The following RILPL1 variants were observed in gnomAD, a reference collection of about 807,000 sequenced individuals.
The protein encoded by RILPL1 is Rab interacting lysosomal protein like 1.
A neutral mutation model predicts 50.3 loss-of-function variants in RILPL1; 33 were observed. The observed-to-expected ratio is 0.66, with a 90% CI of 0.50 to 0.88. RILPL1 has a LOEUF of 0.88. Among genes scored for constraint, RILPL1 ranks in the 40% least tolerant of loss-of-function variants. The pLI is 0.00. For missense variants in RILPL1, 418 were observed against 542.5 expected (o/e 0.77, Z 2.28); for synonymous variants, 205 against 228.6 (o/e 0.90, Z 0.93).
intron 1 of RILPL1, among the ~76,000 whole-genome samples, chr12:123,528,334 G>A (rs1038967853): frequency 6.7e-6 from 1 of 149,336 alleles, no homozygotes; most frequent in African/African-American, 2.4e-5. Context: ...ACGCCAGCCT[G>A]GGCAACAGAG....
At chr12:123,486,199 A>G (rs1179870562) in intron 4 of RILPL1, among the ~76,000 whole-genome samples, 1 of 152,202 alleles carries the variant, frequency 6.6e-6, no homozygotes, top group Non-Finnish European at 1.5e-5. Context: ...TAATTTGGCC[A>G]GAGTGGCTGG....
intron 2 of RILPL1, among the ~76,000 whole-genome samples, chr12:123,509,626 C>T (rs567969847): frequency 4.6e-5 from 7 of 151,650 alleles, no homozygotes; most frequent in Admixed American, 6.6e-5. Flanking sequence ...ACCCTGAAGA[C>T]CTTATGCTTA....
rs541576341 is a variant in RILPL1 at position 123,489,642 on chromosome 12, C to T, written c.802-3837G>A. The stretch of plus-strand genomic sequence containing the variant: ...CGGTGCCACTGTACTCCAGCCTGGG[C>T]GACAGAGCGACAGAGTAAGACTCCA... On this transcript the variant is annotated intron_variant, in intron 4 of 6. Coordinates refer to ENST00000376874, the MANE Select transcript of RILPL1 (RefSeq NM_178314.5). This position sits in a 1 kb window ranked among gnomAD's most constrained non-coding sequence, Gnocchi z 4.0. 1.8e-3 allele frequency among the ~76,000 whole-genome samples: 276 copies of T among 150,728 alleles called. 1 individual carries two copies. The highest frequency in any genetic ancestry group is 6.1e-3 in the African/African-American group (252 of 40,984).
intron 2 of RILPL1, among the ~76,000 whole-genome samples, chr12:123,515,726 A>G (rs1237671737): frequency 1.3e-5 from 2 of 150,336 alleles, no homozygotes; most frequent in Non-Finnish European, 3.0e-5. Flanking sequence ...TTGGGATTAC[A>G]GGTGTGAGCC....
In RILPL1 at chr12:123,498,227, T is replaced by A. The variant is rs530179432; in HGVS notation, c.801+317A>T. Among the ~76,000 whole-genome samples the A allele has an allele frequency of 6.8e-6, 1 of 147,034 alleles. No homozygotes were observed. Among genetic ancestry groups the A allele is most frequent in the Non-Finnish European group, 1.5e-5 (1 of 66,746 alleles). On this transcript the variant is annotated intron_variant, in intron 4 of 6. Transcript: ENST00000376874. The surrounding 1 kb of genome is among the most constrained non-coding windows in gnomAD (Gnocchi z 4.3). Reference sequence around the variant, plus strand: ...GTTTTTTCTCTCTCTCTCTCTCTCTTTTTTTTTTAGACAGGTCTGGCTCTG... The same window carrying A: ...GTTTTTTCTCTCTCTCTCTCTCTCTATTTTTTTTAGACAGGTCTGGCTCTG...
intron 6 of RILPL1, among the ~76,000 whole-genome samples, chr12:123,479,429 C>T (rs75449541): frequency 0.18 from 27,918 of 151,946 alleles, 2,754 homozygotes; most frequent in Middle Eastern, 0.25. Flanking sequence ...GGAGGAAGGA[C>T]GGAAGAGACC....
At chr12:123,529,704 C>T (rs117209788) in intron 1 of RILPL1, among the ~76,000 whole-genome samples, 8,031 of 151,548 alleles carry the variant, frequency 0.053, 269 homozygotes, top group Non-Finnish European at 0.083. Context: ...GCCTGGGCAA[C>T]ATAGTGACAC....
chr12:123,496,467 C>T (rs1184834039), intron 4 of RILPL1, among the ~76,000 whole-genome samples: 1 of 152,192 alleles, frequency 6.6e-6, no homozygotes, highest in East Asian at 1.9e-4. Context: ...GCTTGTCTGT[C>T]CTACCTCCCC....
chr12:123,511,380 G>GTGTC (rs2139362423), intron 2 of RILPL1, among the ~76,000 whole-genome samples: 1 of 147,426 alleles, frequency 6.8e-6, no homozygotes, highest in South Asian at 2.2e-4. Context: ...TGTGAGGTCT[G>GTGTC]TGTGTGTGGT....
In RILPL1 at chr12:123,485,170, G is replaced by A. The variant is rs993631479; in HGVS notation, c.974+463C>T. On this transcript the variant is annotated intron_variant, in intron 5 of 6. Coordinates refer to ENST00000376874, the MANE Select transcript of RILPL1 (RefSeq NM_178314.5). This position sits in a 1 kb window ranked among gnomAD's most constrained non-coding sequence, Gnocchi z 4.0. The stretch of plus-strand genomic sequence containing the variant: ...TCTAAGTGCTGGGAACTTAGCCATG[G>A]ACAAGATAAATAAGACTTCTGGTCT... The A allele has an allele frequency of 8.8e-6, 4 of 456,368 alleles. No homozygotes were observed. Among genetic ancestry groups the A allele is most frequent in the African/African-American group, 4.0e-5 (2 of 50,068 alleles). 28.3% of individuals were successfully genotyped at this position (456,368 alleles called of 1,614,324 possible).
chr12:123,523,966 C>T (rs565498968), intron 1 of RILPL1, among the ~76,000 whole-genome samples: 4 of 151,820 alleles, frequency 2.6e-5, no homozygotes, highest in African/African-American at 7.2e-5. Context: ...TACGGGGGTC[C>T]GAACGTTCCT....
intron 4 of RILPL1, among the ~76,000 whole-genome samples, chr12:123,496,816 C>A (rs1290704262): frequency 6.6e-6 from 1 of 152,230 alleles, no homozygotes; most frequent in Admixed American, 6.5e-5. Flanking sequence ...ATGTTAGCTG[C>A]AGCTGTGATG....
At chr12:123,479,144 A>G (rs557026490) in intron 6 of RILPL1, among the ~76,000 whole-genome samples, 2 of 152,230 alleles carry the variant, frequency 1.3e-5, no homozygotes, top group East Asian at 1.9e-4. Flanking sequence ...AATGGGTTCA[A>G]ATCTGAAGAC....
intron 5 of RILPL1, 73 bp from the exon 6 acceptor site, chr12:123,484,345 G>A (rs1440848090): frequency 2.0e-6 from 2 of 994,364 alleles, no homozygotes; most frequent in African/African-American, 1.6e-5. Context: ...CAGAAGAGAA[G>A]TGTCTGATGG....
At chr12:123,501,638 T>C (rs534028688) in intron 2 of RILPL1, among the ~76,000 whole-genome samples, 3 of 151,206 alleles carry the variant, frequency 2.0e-5, no homozygotes, top group Non-Finnish European at 1.5e-5. Context: ...TGAGCGCCTG[T>C]AGTCCCAGCT....
In RILPL1 at chr12:123,471,740, G is replaced by T. The variant is rs1460428348; in HGVS notation, c.*798C>A. On this transcript the variant is annotated 3_prime_UTR_variant, in exon 7 of 7. Transcript: ENST00000376874. ...GGACATCTGTCTTCTTCTTTGCAGG[G>T]GACTAAGTATATGACTTAATGAATC... is the stretch of plus-strand genomic sequence containing the variant. 2 of 152,306 alleles carry T rather than the reference G, an allele frequency of 1.3e-5. No individual in the cohort carries two copies. Among genetic ancestry groups the T allele is most frequent in the Non-Finnish European group, 2.9e-5 (2 of 68,030 alleles). 9.4% of individuals were successfully genotyped at this position (152,306 alleles called of 1,614,324 possible).
chr12:123,483,462 T>C (rs1391938351), intron 6 of RILPL1, among the ~76,000 whole-genome samples: 1 of 152,256 alleles, frequency 6.6e-6, no homozygotes, highest in Non-Finnish European at 1.5e-5. Flanking sequence ...TAGTAGATAC[T>C]GTCTAACAAA....
At chr12:123,490,891 C>T (rs1882651369) in intron 4 of RILPL1, among the ~76,000 whole-genome samples, 1 of 152,198 alleles carries the variant, frequency 6.6e-6, no homozygotes, top group South Asian at 2.1e-4. Context: ...GCTGGGAGTA[C>T]AGGCATGCGC....
At chr12:123,509,452 A>G (rs1359740913) in intron 2 of RILPL1, among the ~76,000 whole-genome samples, 4 of 151,844 alleles carry the variant, frequency 2.6e-5, no homozygotes, top group Non-Finnish European at 4.4e-5. Context: ...AATCCCAGCT[A>G]CTTGGGAGGC....
Sources: gnomAD v4.1 joint callset for allele counts (sites outside exome capture counted in the v4.1 genomes callset) on GRCh38, gnomAD v4.1.1 for gene constraint, Gnocchi (gnomAD v3.1) non-coding constraint, MANE v1.5 for transcripts, NCBI Gene and HGNC (gene_info 2026-07-23, HGNC 2026-07-21) for gene names.